RP1L1: variants seen among roughly 807,000 people sequenced by gnomAD.
RP1L1 encodes the protein retinitis pigmentosa 1-like 1 protein.
A neutral mutation model predicts 15.7 loss-of-function variants in RP1L1; 27 were observed. The observed-to-expected ratio is 1.72, with a 90% CI of 1.27 to 2.38. The LOEUF is 2.38. Ranked by LOEUF, RP1L1 falls within the 30% of genes most tolerant of loss-of-function variation. The probability of loss-of-function intolerance (pLI) is 0.00; values close to 1 mark genes in which losing one functional copy is unlikely to be tolerated. For missense variants in RP1L1, 4,798 were observed against 3,075.9 expected (o/e 1.56, Z -13.24); for synonymous variants, 1,813 against 1,276.7 (o/e 1.42, Z -8.96).
intron 1 of RP1L1, among the ~76,000 whole-genome samples, chr8:10,639,394 A>G (rs1488107697): frequency 1.3e-5 from 2 of 152,054 alleles, no homozygotes; most frequent in African/African-American, 4.8e-5. Context: ...TTATTTATTT[A>G]TTTAGAGACA....
rs1797777133 is a variant in RP1L1 at position 10,609,225 on chromosome 8, C to T, written c.4873G>A (p.Gly1625Ser). ...AGGGTGAAGGAGAGGGGCCCCAGGC[C>T]CAGGGTCCGCTCAGAGAAGGCCGAG... ...NLSAFSERTL[G>S]LGPLSFTLED... Residue 1625 changes from glycine (G) to serine (S), a missense_variant, in exon 4 of 4, where the codon GGC (glycine) becomes AGC (serine). Physicochemically the swap from Gly to Ser is moderately conservative, Grantham distance 56. Transcript: ENST00000382483. The T allele has an allele frequency of 6.2e-7, 1 of 1,609,644 alleles. No individual in the cohort carries two copies. The highest frequency in any genetic ancestry group is 8.5e-7 in the Non-Finnish European group (1 of 1,179,844).
In RP1L1 at chr8:10,612,710, T is replaced by G. The variant is rs543167634; in HGVS notation, c.1388A>C (p.Glu463Ala). The change falls in exon 4 of 4, where the codon GAG (glutamate) becomes GCG (alanine). Residue 463 changes from glutamate (E) to alanine (A), a missense_variant. Physicochemically the swap from Glu to Ala is moderately radical, Grantham distance 107. Coordinates refer to ENST00000382483, the MANE Select transcript of RP1L1 (RefSeq NM_178857.6). ...ASPASSTGLP[E>A]GSEPESSCCP... ...GCAGGAGGACTCTGGCTCCGAGCCC[T>G]CGGGGAGGCCGGTGCTGGAGGCTGG... The G allele has an allele frequency of 1.9e-6, 3 of 1,604,792 alleles. No homozygotes were observed. Among genetic ancestry groups the G allele is most frequent in the Admixed American group, 3.3e-5 (2 of 59,968 alleles).
chr8:10,620,562 C>T (rs1017072126), intron 2 of RP1L1, among the ~76,000 whole-genome samples: 8 of 152,000 alleles, frequency 5.3e-5, no homozygotes, highest in South Asian at 2.1e-4. Context: ...GCCGAGATCG[C>T]GCCACTGCAC....
chr8:10,612,803 A>G lies in RP1L1; in HGVS notation c.1295T>C (p.Val432Ala). The G allele has an allele frequency of 6.2e-7, 1 of 1,611,366 alleles. No homozygotes were observed. The highest frequency in any genetic ancestry group is 8.5e-7 in the Non-Finnish European group (1 of 1,179,880). ...GTGGCCCCACAGGCCACTGCAGCGG[A>G]CGTGCTGGGCCAGTCCCCACCTCTT... is the stretch of plus-strand genomic sequence containing the variant. ...ARKRWGLAQH[V>A]RCSGLWGHGT... is the part of the protein sequence containing the mutation. Residue 432 changes from valine (V) to alanine (A), a missense_variant, in exon 4 of 4, where the codon GTC (valine) becomes GCC (alanine). Coordinates refer to ENST00000382483, the MANE Select transcript of RP1L1 (RefSeq NM_178857.6).
At chr8:10,634,245 T>C (rs577368016) in intron 1 of RP1L1, among the ~76,000 whole-genome samples, 1 of 152,284 alleles carries the variant, frequency 6.6e-6, no homozygotes, top group East Asian at 1.9e-4. Context: ...AACTGAACCA[T>C]GTGCCTGTCA....
intron 1 of RP1L1, among the ~76,000 whole-genome samples, chr8:10,631,290 C>T (rs1798239998): frequency 6.6e-6 from 1 of 150,552 alleles, no homozygotes; most frequent in Non-Finnish European, 1.5e-5. Flanking sequence ...CACACACACG[C>T]ACACAAACAC....
intron 1 of RP1L1, among the ~76,000 whole-genome samples, chr8:10,641,318 G>C (rs1226796044): frequency 6.6e-6 from 1 of 152,204 alleles, no homozygotes; most frequent in Non-Finnish European, 1.5e-5. Flanking sequence ...CTTGGATCCT[G>C]GAGTCACCAT....
intron 1 of RP1L1, among the ~76,000 whole-genome samples, chr8:10,652,226 G>A (rs900364608): frequency 2.5e-4 from 38 of 152,284 alleles, no homozygotes; most frequent in African/African-American, 8.7e-4. Context: ...ATAAAAGACT[G>A]CCCTTCAGGG....
In RP1L1 at chr8:10,616,607, G is replaced by A. The variant is rs201213391; in HGVS notation, c.610-20C>T. The A allele has an allele frequency of 2.1e-4, 331 of 1,604,484 alleles. 1 individual carries two copies. In the African/African-American group the frequency reaches 4.1e-3, roughly 20 times the overall value. On this transcript the variant is annotated intron_variant, in intron 2 of 3. Coordinates refer to ENST00000382483, the MANE Select transcript of RP1L1 (RefSeq NM_178857.6). ...GTCCACCTGAGGGAGGAGCGGGCGG[G>A]GTCAGGAGGCCTGGGCTGCAGAAAC...
Position 10,612,692 on chromosome 8 carries a change from G to T in RP1L1, c.1406C>A (p.Ser469Tyr), listed in dbSNP as rs200517659. 2 of 1,603,262 alleles carry T rather than the reference G, an allele frequency of 1.2e-6. No homozygotes were observed. Among genetic ancestry groups the T allele is most frequent in the East Asian group, 2.2e-5 (1 of 44,758 alleles). The change falls in exon 4 of 4, where the codon TCC (serine) becomes TAC (tyrosine). Residue 469 changes from serine (S) to tyrosine (Y), a missense_variant. Transcript: ENST00000382483. ...CTCCGGGGTCCTGGGGCAGCAGGAG[G>T]ACTCTGGCTCCGAGCCCTCGGGGAG... ...TGLPEGSEPESSCCPRTPEDG... is the reference protein window; with the variant it reads ...TGLPEGSEPEYSCCPRTPEDG...
chr8:10,615,331 T>TA (rs1563127284), intron 3 of RP1L1, among the ~76,000 whole-genome samples: 1 of 152,308 alleles, frequency 6.6e-6, no homozygotes, highest in South Asian at 2.1e-4. Flanking sequence ...TGTGTAGTTT[T>TA]AAAAAAATAA....
intron 2 of RP1L1, among the ~76,000 whole-genome samples, chr8:10,619,278 T>G (rs1798020840): frequency 6.6e-6 from 1 of 152,248 alleles, no homozygotes; most frequent in South Asian, 2.1e-4. Context: ...GAACAGGGCA[T>G]GGAACGTGGC....
intron 1 of RP1L1, among the ~76,000 whole-genome samples, chr8:10,626,984 C>G (rs1033696658): frequency 6.6e-6 from 1 of 152,134 alleles, no homozygotes; most frequent in Non-Finnish European, 1.5e-5. Context: ...ACTGTAAAAA[C>G]CAGAAAACAC....
intron 1 of RP1L1, among the ~76,000 whole-genome samples, chr8:10,633,871 T>A (rs1270011133): frequency 6.6e-6 from 1 of 152,196 alleles, no homozygotes. Context: ...TTATATCCCT[T>A]TTCAGCCTCC....
In RP1L1 at chr8:10,607,628, G is replaced by C. The variant is rs376763194; in HGVS notation, c.6470C>G (p.Ala2157Gly). 1 of 1,593,992 alleles carries C rather than the reference G, an allele frequency of 6.3e-7. No homozygotes were observed. Among genetic ancestry groups the C allele is most frequent in the East Asian group, 2.3e-5 (1 of 44,120 alleles). The change falls in exon 4 of 4, where the codon GCC becomes GGC. Residue 2157 changes from alanine (A) to glycine (G), a missense_variant. By Grantham distance (60) the Ala-to-Gly change is moderately conservative. Transcript: ENST00000382483. The part of the protein sequence containing the change: ...GVEAQDAEGE[A>G]QPESEGIEAQ... ...CTCTATACCTTCTGACTCTGGCTGG[G>C]CCTCCCCTTCTGCATCCTGGGCCTC...
At chr8:10,629,253 G>C (rs1291994911) in intron 1 of RP1L1, among the ~76,000 whole-genome samples, 1 of 151,140 alleles carries the variant, frequency 6.6e-6, no homozygotes, top group African/African-American at 2.4e-5. Context: ...GGAGGTAGCT[G>C]CCAAGGGTCT....
At chr8:10,636,099 C>T (rs1198766999) in intron 1 of RP1L1, among the ~76,000 whole-genome samples, 3 of 152,248 alleles carry the variant, frequency 2.0e-5, no homozygotes, top group Non-Finnish European at 2.9e-5. Flanking sequence ...AGTTGCTTCA[C>T]CTCTCTGGAC....
At chr8:10,625,097 T>C (rs1450647166) in intron 1 of RP1L1, among the ~76,000 whole-genome samples, 1 of 152,212 alleles carries the variant, frequency 6.6e-6, no homozygotes, top group African/African-American at 2.4e-5. Flanking sequence ...AATCAGCTGA[T>C]ACGCAAAATC....
chr8:10,609,984 C>T lies in RP1L1; in HGVS notation c.4114G>A (p.Val1372Met). The T allele has an allele frequency of 1.9e-6, 3 of 1,613,814 alleles. No homozygotes were observed. The highest frequency in any genetic ancestry group is 2.5e-6 in the Non-Finnish European group (3 of 1,179,854). ...CCTTCTTTAACTTCCTCTAACTGCA[C>T]CCCCTCTTCTTGCAGCCCTTCTCCT... ...TGGEGLQEEG[V>M]QLEEVKEGPE... Residue 1372 changes from valine to methionine, a missense_variant, in exon 4 of 4, where the codon GTG (valine) becomes ATG (methionine). Coordinates refer to ENST00000382483, the MANE Select transcript of RP1L1 (RefSeq NM_178857.6).
Sources: gnomAD v4.1 joint callset for allele counts (sites outside exome capture counted in the v4.1 genomes callset) on GRCh38, gnomAD v4.1.1 for gene constraint, MANE v1.5 for transcripts, NCBI Gene and HGNC (gene_info 2026-07-23, HGNC 2026-07-21) for gene names.